The following PCM1 variants were observed in gnomAD, a reference collection of about 807,000 sequenced individuals.
PCM1 encodes pericentriolar material 1 protein.
In PCM1, 157 loss-of-function variants were observed where a neutral mutation model predicts 241.9. That is an observed-to-expected ratio of 0.65 (90% confidence interval 0.57 to 0.74). PCM1 has a LOEUF of 0.74. Among genes scored for constraint, PCM1 ranks in the 30% least tolerant of loss-of-function variants. PCM1 has a pLI of 0.00. For missense variants in PCM1, 3,478 were observed against 2,360.1 expected, an observed-to-expected ratio of 1.47 and a Z score of -9.81; for synonymous variants, 1,085 against 784.9, an observed-to-expected ratio of 1.38 and a Z score of -6.39.
intron 3 of PCM1, among the ~76,000 whole-genome samples, chr8:17,936,144 T>G (rs1431722541): frequency 6.6e-6 from 1 of 152,192 alleles, no homozygotes; most frequent in Non-Finnish European, 1.5e-5. Context: ...TAGTTATGGG[T>G]GCAGTTATGT....
Position 17,963,321 on chromosome 8 carries a change from A to G in PCM1, c.2654+30A>G. On this transcript the variant is annotated intron_variant, in intron 17 of 38. Transcript: ENST00000325083. ...GAGAGCTGCATAAATCACTTTTCTA[A>G]AAATGTCACCTGCCGAAGATTGACC... The G allele has an allele frequency of 1.0e-5, 16 of 1,527,546 alleles. No individual in the cohort carries two copies. In the East Asian group the frequency reaches 3.2e-4, roughly 31 times the overall value. 94.6% of individuals were successfully genotyped at this position (1,527,546 alleles called of 1,614,324 possible).
At position 17,960,302 on chromosome 8, in the gene PCM1, A is replaced by G. The variant is rs1783213246; in HGVS notation, c.2193-13A>G. 4.4e-6 allele frequency: 7 copies of G among 1,593,942 alleles called. No homozygotes were observed. Among genetic ancestry groups the G allele is most frequent in the Non-Finnish European group, 6.0e-6 (7 of 1,174,070 alleles). On this transcript the variant is annotated splice_polypyrimidine_tract_variant and intron_variant, in intron 14 of 38. Coordinates refer to ENST00000325083, the MANE Select transcript of PCM1 (RefSeq NM_006197.4). ...TATTGGAGTCCATAAATATAATGTC[A>G]ATTTAATTGTAGAGAGAAATTTTAT...
At chr8:17,932,167 T>C (rs576742549) in intron 2 of PCM1, among the ~76,000 whole-genome samples, 1 of 152,298 alleles carries the variant, frequency 6.6e-6, no homozygotes, top group South Asian at 2.1e-4. Flanking sequence ...TAGTACAGTT[T>C]GCCTAATAGC....
chr8:17,930,888 A>T (rs1308625879), intron 2 of PCM1, among the ~76,000 whole-genome samples: 1 of 152,112 alleles, frequency 6.6e-6, no homozygotes, highest in East Asian at 1.9e-4. Flanking sequence ...TCCAAAAAAA[A>T]AAAAGAATTC....
At chr8:17,982,490 G>C (rs542257112) in intron 24 of PCM1, 1 of 127,716 alleles carries the variant, frequency 7.8e-6, no homozygotes, top group African/African-American at 2.6e-5. Context: ...ATTCTGAAAA[G>C]ATTAAAAAAA....
Position 17,960,041 on chromosome 8 carries a change from T to G in PCM1, c.2068T>G (p.Ser690Ala). 6.2e-7 allele frequency: 1 copy of G among 1,612,806 alleles called. No homozygotes were observed. The highest frequency in any genetic ancestry group is 1.1e-5 in the South Asian group (1 of 90,720). The change falls in exon 14 of 39, where the codon TCT (serine) becomes GCT (alanine). Residue 690 changes from serine to alanine, a missense_variant. By Grantham distance (99) the Ser-to-Ala change is moderately conservative. Coordinates refer to ENST00000325083, the MANE Select transcript of PCM1 (RefSeq NM_006197.4). Reference sequence around the variant, plus strand: ...TGATGATGCAGCTCAAGGAGTTATCTCTGCCAGTGCATCAAATTTGGATGA... The same window carrying G: ...TGATGATGCAGCTCAAGGAGTTATCGCTGCCAGTGCATCAAATTTGGATGA... Reference protein sequence around the residue: ...QDDDAAQGVISASASNLDDFY... With the variant: ...QDDDAAQGVIAASASNLDDFY...
At position 17,939,685 on chromosome 8, in the gene PCM1, C is replaced by T. The variant is rs1281477976; in HGVS notation, c.613-6C>T. ...GCTTTTTTTAAAAAAAATATTTCCC[C>T]TGCAGATTGTAAGCAGGCTTGTTCA... On this transcript the variant is annotated splice_polypyrimidine_tract_variant and splice_region_variant and intron_variant, in intron 5 of 38. Coordinates refer to ENST00000325083, the MANE Select transcript of PCM1 (RefSeq NM_006197.4). 4.7e-6 allele frequency: 7 copies of T among 1,491,732 alleles called. No individual in the cohort carries two copies. Among genetic ancestry groups the T allele is most frequent in the East Asian group, 2.5e-5 (1 of 40,710 alleles). 92.4% of individuals were successfully genotyped at this position (1,491,732 alleles called of 1,614,324 possible).
chr8:17,949,649 T>A (rs929444544), intron 7 of PCM1, among the ~76,000 whole-genome samples: 2 of 152,064 alleles, frequency 1.3e-5, no homozygotes, highest in Admixed American at 6.6e-5. Context: ...AGGCGTGCTG[T>A]ACCACGCCGG....
intron 2 of PCM1, among the ~76,000 whole-genome samples, chr8:17,931,800 C>A (rs548949895): frequency 6.6e-6 from 1 of 151,958 alleles, no homozygotes; most frequent in Non-Finnish European, 1.5e-5. Context: ...ACAGTAGTTG[C>A]AAAATGTTTT....
intron 2 of PCM1, chr8:17,926,218 T>C (rs1181714008): frequency 6.6e-6 from 1 of 152,168 alleles, no homozygotes; most frequent in Non-Finnish European, 1.5e-5. Flanking sequence ...AAATAAAGGG[T>C]AATTGAGTTA....
At chr8:17,951,427 G>A (rs1180187865) in intron 8 of PCM1, among the ~76,000 whole-genome samples, 1 of 152,154 alleles carries the variant, frequency 6.6e-6, no homozygotes, top group African/African-American at 2.4e-5. Flanking sequence ...CTACTTTAGA[G>A]AAACTCTCAC....
chr8:18,012,098 G>C (rs750484244), intron 34 of PCM1, among the ~76,000 whole-genome samples: 2 of 152,042 alleles, frequency 1.3e-5, no homozygotes, highest in Non-Finnish European at 2.9e-5. Context: ...GAGCTCAAGC[G>C]ATCCTCCCAC....
chr8:17,963,508 A>G (rs2129468792), intron 17 of PCM1, among the ~76,000 whole-genome samples: 1 of 152,270 alleles, frequency 6.6e-6, no homozygotes, highest in Non-Finnish European at 1.5e-5. Context: ...GTCTTAAATT[A>G]CTATGGCACT....
At chr8:18,016,508 G>A (rs1165341305) in intron 36 of PCM1, among the ~76,000 whole-genome samples, 1 of 152,184 alleles carries the variant, frequency 6.6e-6, no homozygotes, top group East Asian at 1.9e-4. Flanking sequence ...AGAAAAGAAG[G>A]GATCCTAAAT....
intron 4 of PCM1, among the ~76,000 whole-genome samples, chr8:17,938,371 T>C (rs1347787430): frequency 6.6e-6 from 1 of 152,200 alleles, no homozygotes; most frequent in Non-Finnish European, 1.5e-5. Flanking sequence ...GACTCCGGTC[T>C]CTTTCCTAAG....
rs746733935 is a variant in PCM1 at position 17,960,151 on chromosome 8, A to G, written c.2178A>G (p.Val726=). 13 of 1,574,558 alleles carry G rather than the reference A, an allele frequency of 8.3e-6. No homozygotes were observed. Among genetic ancestry groups the G allele is most frequent in the Non-Finnish European group, 1.1e-5 (13 of 1,160,538 alleles). ...ATAAAACACAGAAAGATACTGGAGT[A>G]AATGAAAAGGCAAGGTATGTTAAGC... ...NANKTQKDTG[V]NEKAREKFYE... Residue 726 remains valine (V), a synonymous_variant, in exon 14 of 39, where the codon GTA becomes GTG. Transcript: ENST00000325083.
At chr8:17,927,873 A>G (rs2057607098) in intron 2 of PCM1, 1 of 151,798 alleles carries the variant, frequency 6.6e-6, no homozygotes, top group African/African-American at 2.4e-5. Context: ...TAAAAAAAAA[A>G]AAAAAAAAAA....
chr8:18,014,114 C>T, intron 35 of PCM1, 78 bp downstream of exon 35: 3 of 768,428 alleles, frequency 3.9e-6, no homozygotes, highest in Admixed American at 6.3e-5. Flanking sequence ...AAAAAAAACA[C>T]ACACAGAAAA....
intron 29 of PCM1, among the ~76,000 whole-genome samples, chr8:18,003,824 A>G (rs181595924): frequency 1.6e-4 from 25 of 152,260 alleles, no homozygotes; most frequent in Non-Finnish European, 2.9e-5. Context: ...GATTTTTTAT[A>G]TAGATATTTA....
Sources: allele counts gnomAD v4.1 joint callset (sites outside exome capture counted in the v4.1 genomes callset), GRCh38; gene constraint gnomAD v4.1.1; transcripts MANE v1.5; gene names NCBI Gene and HGNC (gene_info 2026-07-23, HGNC 2026-07-21).